TBC1D16: variants seen among roughly 807,000 people sequenced by gnomAD.
TBC1D16 encodes the protein CTD-2529O21.1.
A neutral mutation model predicts 74.7 loss-of-function variants in TBC1D16; 58 were observed. That is an observed-to-expected ratio of 0.78 (90% confidence interval 0.63 to 0.97). The LOEUF (loss-of-function observed/expected upper bound fraction) is 0.97, where lower values mean the gene tolerates loss of function less well. Among genes scored for constraint, TBC1D16 ranks in the 50% least tolerant of loss-of-function variants. The probability of loss-of-function intolerance (pLI) is 0.00; values close to 1 mark genes in which losing one functional copy is unlikely to be tolerated. For missense variants in TBC1D16, 1,014 were observed against 1,079.5 expected, an observed-to-expected ratio of 0.94 and a Z score of 0.85; for synonymous variants, 493 against 474.7, an observed-to-expected ratio of 1.04 and a Z score of -0.50.
intron 3 of TBC1D16, among the ~76,000 whole-genome samples, chr17:79,997,336 T>C (rs901110249): frequency 7.3e-5 from 11 of 151,470 alleles, no homozygotes; most frequent in African/African-American, 2.7e-4. Context: ...GAAGGGTGTA[T>C]AGGGCCTCCC....
At chr17:79,948,311 T>C (rs866654670) in intron 8 of TBC1D16, among the ~76,000 whole-genome samples, 221 of 28,296 alleles carry the variant, frequency 7.8e-3, no homozygotes, top group African/African-American at 0.027. Flanking sequence ...AGACTCCGTC[T>C]CAAAAAAAAA....
Position 79,932,777 on chromosome 17 carries a change from A to G in TBC1D16, c.*8082T>C, listed in dbSNP as rs15776. 0.16 allele frequency: 24,309 copies of G among 152,172 alleles called. 2,125 individuals carry two copies. The highest frequency in any genetic ancestry group is 0.23 in the Middle Eastern group (69 of 294). The allele number at this position is 152,172 out of a possible 1,614,324, so 9.4% of individuals were successfully genotyped here. ...GGGGTTTTGAAGCAGCTTCTGCGTC[A>G]TTGGGAGCTGGCTGCTGCGCCCAGC... On this transcript the variant is annotated 3_prime_UTR_variant, in exon 12 of 12. Coordinates refer to ENST00000310924, the MANE Select transcript of TBC1D16 (RefSeq NM_019020.4).
chr17:80,015,667 G>A (rs2036061400), intron 1 of TBC1D16, among the ~76,000 whole-genome samples: 1 of 152,168 alleles, frequency 6.6e-6, no homozygotes, highest in Non-Finnish European at 1.5e-5. Flanking sequence ...TAGCAACTGG[G>A]AGTGAATAAA....
rs2032805977 is a variant in TBC1D16, at chr17:79,948,991, G to A, written c.1422C>T (p.Pro474=). Residue 474 remains proline (P), a synonymous_variant, in exon 8 of 12, where the codon CCC becomes CCT. Coordinates refer to ENST00000310924, the MANE Select transcript of TBC1D16 (RefSeq NM_019020.4). ...TACGCCAGAACGCTCTGTGCTCCTC[G>A]GGAGTCATGGAGAGCCTGTGTGGAG... ...EIQQKRLSMT[P]EEHRAFWRNV... is the part of the protein sequence containing the mutation. The A allele has an allele frequency of 1.2e-6, 2 of 1,614,084 alleles. No homozygotes were observed. Among genetic ancestry groups the A allele is most frequent in the African/African-American group, 1.3e-5 (1 of 75,042 alleles).
rs954097555 is a variant in TBC1D16, at chr17:80,016,375, C to T, written c.-62-2766G>A. 5.3e-5 allele frequency among the ~76,000 whole-genome samples: 8 copies of T among 152,070 alleles called. No individual in the cohort carries two copies. The South Asian group carries it at 8.3e-4, about 16-fold the overall frequency. On this transcript the variant is annotated intron_variant, in intron 1 of 11. Transcript: ENST00000310924. The stretch of plus-strand genomic sequence containing the variant: ...TCTACAACATGATCGTACTCAATGC[C>T]GCTGAACCTGATACTTAAAAATGGT...
chr17:79,948,793 G>A (rs2032781245), intron 8 of TBC1D16, 79 bp downstream of exon 8: 1 of 1,583,496 alleles, frequency 6.3e-7, no homozygotes, highest in East Asian at 2.3e-5. Flanking sequence ...ACTCGCTGGG[G>A]GCTCATCCAC....
At chr17:80,022,825 C>T (rs1187664060) in intron 1 of TBC1D16, among the ~76,000 whole-genome samples, 8 of 146,486 alleles carry the variant, frequency 5.5e-5, no homozygotes, top group African/African-American at 2.7e-5. Context: ...TTAGTAGAGA[C>T]GGTTTTGCCA....
At chr17:79,977,829 C>T (rs927514063) in intron 3 of TBC1D16, among the ~76,000 whole-genome samples, 5 of 152,220 alleles carry the variant, frequency 3.3e-5, no homozygotes, top group South Asian at 4.1e-4. Flanking sequence ...GGAGTCTGCT[C>T]GCAGAGCCCA....
In TBC1D16 at chr17:80,024,518, G is replaced by GCCACACACCA. The variant is rs2036448441; in HGVS notation, c.-62-10910_-62-10909insTGGTGTGTGG. On this transcript the variant is annotated intron_variant, in intron 1 of 11. Coordinates refer to ENST00000310924, the MANE Select transcript of TBC1D16 (RefSeq NM_019020.4). ...ACCACACGCACCATAGACAAACCAC[G>GCCACACACCA]CACACCATGCACACACCACACACCA... Among the ~76,000 whole-genome samples, 3 of 126,978 alleles carry GCCACACACCA rather than the reference G, an allele frequency of 2.4e-5. 1 individual carries two copies. The highest frequency in any genetic ancestry group is 9.2e-5 in the African/African-American group (3 of 32,544). 83.3% of individuals were successfully genotyped at this position (126,978 alleles called of 152,430 possible). A position where few individuals can be genotyped will look rare whatever the true frequency, so the allele number is the denominator to read the frequency against.
In TBC1D16 at chr17:80,021,389, C is replaced by T. The variant is rs192145897; in HGVS notation, c.-62-7780G>A. Among the ~76,000 whole-genome samples the T allele has an allele frequency of 3.3e-5, 5 of 149,710 alleles. No homozygotes were observed. In the East Asian group the frequency reaches 9.7e-4, roughly 29 times the overall value. ...TAAGGTGGATCACTTGAGCCCAGGA[C>T]GTCGAGGCTGCATTGAGCCATGATT... is the stretch of plus-strand genomic sequence containing the variant. On this transcript the variant is annotated intron_variant, in intron 1 of 11. Transcript: ENST00000310924.
Position 79,950,428 on chromosome 17 carries a change from C to T in TBC1D16, c.1240G>A (p.Glu414Lys), listed in dbSNP as rs137909831. The T allele has an allele frequency of 9.9e-6, 16 of 1,611,368 alleles. No homozygotes were observed. The highest frequency in any genetic ancestry group is 1.3e-5 in the African/African-American group (1 of 74,984). Residue 414 changes from glutamate (E) to lysine (K), a missense_variant, in exon 6 of 12, where the codon GAG (glutamate) becomes AAG (lysine). By Grantham distance (56) the Glu-to-Lys change is moderately conservative. Transcript: ENST00000310924. The surrounding 1 kb of genome is among the most constrained non-coding windows in gnomAD (Gnocchi z 4.6). ...HLNELGQVEE[E>K]YKLRKAIFFG... is the part of the protein sequence containing the mutation. Reference sequence around the variant, plus strand: ...GACCTCACCTTCCGCAGCTTGTACTCCTCCTCCACCTGGCCCAGCTCATTC... The same window carrying T: ...GACCTCACCTTCCGCAGCTTGTACTTCTCCTCCACCTGGCCCAGCTCATTC...
chr17:80,018,589 A>C (rs1233864100), intron 1 of TBC1D16, among the ~76,000 whole-genome samples: 1 of 146,834 alleles, frequency 6.8e-6, no homozygotes, highest in Non-Finnish European at 1.5e-5. Context: ...GCCTGAAAAA[A>C]TTATTAATGA....
At position 80,035,241 on chromosome 17, in the gene TBC1D16, T is replaced by TC. The variant is rs969473613; in HGVS notation, c.-63+553_-63+554insG. On this transcript the variant is annotated intron_variant, in intron 1 of 11. Transcript: ENST00000310924. This position sits in a 1 kb window ranked among gnomAD's most constrained non-coding sequence, Gnocchi z 5.3. ...TTCGTTCTTTCTTTCTTTTTCTTTT[T>TC]TTTTTTTTCCCAAAGGAAAGAACAA... Among the ~76,000 whole-genome samples, 6 of 151,804 alleles carry TC rather than the reference T, an allele frequency of 4.0e-5. No individual in the cohort carries two copies. The highest frequency in any genetic ancestry group is 1.4e-4 in the African/African-American group (6 of 41,448).
chr17:80,031,893 T>C (rs2036788524), intron 1 of TBC1D16, among the ~76,000 whole-genome samples: 1 of 152,146 alleles, frequency 6.6e-6, no homozygotes, highest in African/African-American at 2.4e-5. Flanking sequence ...TCAGCATCTG[T>C]CAGTGAAGGA....
Position 79,948,911 on chromosome 17 carries a change from A to C in TBC1D16, c.1502T>G (p.Phe501Cys), listed in dbSNP as rs1181994620. 6.2e-7 allele frequency: 1 copy of C among 1,614,120 alleles called. No individual in the cohort carries two copies. The highest frequency in any genetic ancestry group is 2.2e-5 in the East Asian group (1 of 44,880). ...ATTGGGATTGTCTTCCCCCCGGAAG[A>C]ACTGGTTGTTCCGATCTGTCCGGAC... ...DVVRTDRNNQ[F>C]FRGEDNPNVE... The change falls in exon 8 of 12, where the codon TTC becomes TGC. Residue 501 changes from phenylalanine to cysteine, a missense_variant. Physicochemically the swap from Phe to Cys is radical, Grantham distance 205. Transcript: ENST00000310924.
At chr17:80,021,736 C>T (rs1416315314) in intron 1 of TBC1D16, among the ~76,000 whole-genome samples, 1 of 147,118 alleles carries the variant, frequency 6.8e-6, no homozygotes, top group Non-Finnish European at 1.5e-5. Context: ...GACACACACA[C>T]TGCACACACC....
rs965141092 is a variant in TBC1D16 at position 79,985,088 on chromosome 17, G to T, written c.779+25072C>A. Among the ~76,000 whole-genome samples, 4 of 152,136 alleles carry T rather than the reference G, an allele frequency of 2.6e-5. No homozygotes were observed. Among genetic ancestry groups the T allele is most frequent in the Admixed American group, 1.3e-4 (2 of 15,276 alleles). ...TCAAAGTCAAGGTGCTAGTCGGGCC[G>T]CGCCCCCTCTGAAGGCTCCAGGCAA... On this transcript the variant is annotated intron_variant, in intron 3 of 11. Transcript: ENST00000310924. The surrounding 1 kb of genome is among the most constrained non-coding windows in gnomAD (Gnocchi z 4.9).
chr17:80,006,226 T>TTCTCTC (rs113353447), intron 3 of TBC1D16, among the ~76,000 whole-genome samples: 4 of 148,830 alleles, frequency 2.7e-5, no homozygotes, highest in Admixed American at 6.7e-5. Flanking sequence ...CTCTCTTTCT[T>TTCTCTC]TCTCTCTCTC....
At chr17:80,027,410 G>A (rs373133761) in intron 1 of TBC1D16, among the ~76,000 whole-genome samples, 2 of 152,036 alleles carry the variant, frequency 1.3e-5, no homozygotes, top group South Asian at 2.1e-4. Context: ...CAGCCTGGGG[G>A]ACATGGAGAA....
Sources: gnomAD v4.1 joint callset for allele counts (sites outside exome capture counted in the v4.1 genomes callset) on GRCh38, gnomAD v4.1.1 for gene constraint, Gnocchi (gnomAD v3.1) non-coding constraint, MANE v1.5 for transcripts, NCBI Gene and HGNC (gene_info 2026-07-23, HGNC 2026-07-21) for gene names.